The following VCPKMT variants were observed in gnomAD, a reference collection of about 807,000 sequenced individuals.
VCPKMT encodes valosin containing protein lysine methyltransferase.
Under a neutral mutation model 28.6 loss-of-function variants are expected in VCPKMT, and 32 were observed. The ratio of observed to expected loss-of-function variants is 1.12; its 90% CI spans 0.84 to 1.50. VCPKMT has a LOEUF of 1.50. Among genes scored for constraint, VCPKMT ranks in the 40% most tolerant of loss-of-function variants. The pLI is 0.00. For synonymous variants in VCPKMT, 138 were observed against 111.4 expected (o/e 1.24, Z -1.50); for missense variants, 366 against 285.0 (o/e 1.28, Z -2.05).
chr14:50,108,383 C>A (rs933113564), downstream of VCPKMT, among the ~76,000 whole-genome samples: 3 of 152,144 alleles, frequency 2.0e-5, no homozygotes, highest in African/African-American at 7.2e-5. Flanking sequence ...ATCTGTACCT[C>A]ACAAAGCACC....
In VCPKMT at chr14:50,108,963, C is replaced by T; in HGVS notation, c.*736G>A. 1 of 985,408 alleles carries T rather than the reference C, an allele frequency of 1.0e-6. No homozygotes were observed. Among genetic ancestry groups the T allele is most frequent in the South Asian group, 4.7e-5 (1 of 21,290 alleles). The allele number at this position is 985,408 out of a possible 1,614,324, so 61.0% of individuals were successfully genotyped here. On this transcript the variant is annotated 3_prime_UTR_variant, in exon 6 of 6. Coordinates refer to ENST00000395860, the MANE Select transcript of VCPKMT (RefSeq NM_024558.3). ...GCCACGTAAGTGCATAAGCCTGAAA[C>T]TGGTCTTTCTATTCTCACTCCATGC...
downstream of VCPKMT, among the ~76,000 whole-genome samples, chr14:50,107,891 T>C (rs947732569): frequency 6.6e-6 from 1 of 151,816 alleles, no homozygotes; most frequent in Admixed American, 6.6e-5. Context: ...CCACAGATAG[T>C]GTGTGTTAAA....
downstream of VCPKMT, among the ~76,000 whole-genome samples, chr14:50,107,279 T>C (rs12888692): frequency 0.3 from 45,736 of 151,962 alleles, 7,879 homozygotes; most frequent in Middle Eastern, 0.4. Flanking sequence ...CTGACTTCAG[T>C]TTTGGCCTTA....
chr14:50,114,841 C>A (rs958170749), intron 3 of VCPKMT, among the ~76,000 whole-genome samples: 4 of 152,128 alleles, frequency 2.6e-5, no homozygotes, highest in Non-Finnish European at 5.9e-5. Flanking sequence ...CAGAGCAAGA[C>A]CCCTATCTTA....
At position 50,115,726 on chromosome 14, in the gene VCPKMT, A is replaced by G. The variant is rs770346492; in HGVS notation, c.450+113T>C. On this transcript the variant is annotated intron_variant, in intron 3 of 5. Coordinates refer to ENST00000395860, the MANE Select transcript of VCPKMT (RefSeq NM_024558.3). ...TTATCTTCTCTTTACTGCATCAACT[A>G]TAAGGCAAATCCCGGATTCAAAGAT... is the stretch of plus-strand genomic sequence containing the variant. 7.8e-4 allele frequency: 991 copies of G among 1,272,552 alleles called. 5 individuals are homozygous for G. Among genetic ancestry groups the G allele is most frequent in the South Asian group, 1.6e-3 (115 of 70,514 alleles). The allele number at this position is 1,272,552 out of a possible 1,614,324, so 78.8% of individuals were successfully genotyped here. A position where few individuals can be genotyped will look rare whatever the true frequency, so the allele number is the denominator to read the frequency against.
intron 5 of VCPKMT, chr14:50,111,654 G>A (rs1293881092): frequency 2.4e-5 from 23 of 975,344 alleles, no homozygotes; most frequent in Non-Finnish European, 2.7e-5. Context: ...GAGGTGGGCA[G>A]GTCACTGGAG....
chr14:50,103,688 CTTT>C (rs921134279), downstream of VCPKMT, among the ~76,000 whole-genome samples: 14 of 152,040 alleles, frequency 9.2e-5, no homozygotes, highest in African/African-American at 2.7e-4. Context: ...CCCGTATCTT[CTTT>C]ATTTTTCTAA....
rs751909276 is a variant in VCPKMT at position 50,114,393 on chromosome 14, T to C, written c.462A>G (p.Pro154=). Residue 154 remains proline (P), a synonymous_variant, in exon 4 of 6, where the codon CCA becomes CCG. Transcript: ENST00000395860. ...DCIYYEESLE[P]LLKTLKDISG... Reference sequence around the variant, plus strand: ...TGATATCTTTTAGAGTTTTCAGCAATGGCTCCAAAGACTATTTAAAAAAGA... The same window carrying C: ...TGATATCTTTTAGAGTTTTCAGCAACGGCTCCAAAGACTATTTAAAAAAGA... The C allele has an allele frequency of 1.3e-6, 2 of 1,552,754 alleles. No homozygotes were observed. The highest frequency in any genetic ancestry group is 1.3e-5 in the South Asian group (1 of 78,988).
In VCPKMT at chr14:50,112,646, A is replaced by G. The variant is rs942060466; in HGVS notation, c.644T>C (p.Ile215Thr). ...KHDEEYRSED[I>T]HIIYIRKKKS... Reference sequence around the variant, plus strand: ...TTTCTTTCTGATGTATATAATATGAATATCTTCACTTCGATACTCTTCATC... The same window carrying G: ...TTTCTTTCTGATGTATATAATATGAGTATCTTCACTTCGATACTCTTCATC... The change falls in exon 5 of 6, where the codon ATT becomes ACT. Residue 215 changes from isoleucine (I) to threonine (T), a missense_variant. Physicochemically the swap from Ile to Thr is moderately conservative, Grantham distance 89 (BLOSUM62 -1). Coordinates refer to ENST00000395860, the MANE Select transcript of VCPKMT (RefSeq NM_024558.3). 10 of 1,567,802 alleles carry G rather than the reference A, an allele frequency of 6.4e-6. No homozygotes were observed. Among genetic ancestry groups the G allele is most frequent in the African/African-American group, 2.7e-5 (2 of 73,950 alleles).
At chr14:50,113,855 GC>G (rs1378653181) in intron 4 of VCPKMT, among the ~76,000 whole-genome samples, 1 of 143,784 alleles carries the variant, frequency 7.0e-6, no homozygotes, top group Admixed American at 7.1e-5. Context: ...GGTTGAGGAT[GC>G]AGTGAGCCCT....
intron 4 of VCPKMT, among the ~76,000 whole-genome samples, chr14:50,113,087 G>C (rs923812887): frequency 3.9e-5 from 6 of 152,136 alleles, no homozygotes; most frequent in African/African-American, 9.7e-5. Flanking sequence ...CGCCTGGTCA[G>C]TGGTTACCTT....
rs756649042 is a variant in VCPKMT, at chr14:50,116,263, TCCCG to T, written c.266+20_266+23del. 3 of 1,528,136 alleles carry T rather than the reference TCCCG, an allele frequency of 2.0e-6. No homozygotes were observed. Among genetic ancestry groups the T allele is most frequent in the South Asian group, 2.3e-5 (2 of 88,610 alleles). The allele number at this position is 1,528,136 out of a possible 1,614,324, so 94.7% of individuals were successfully genotyped here. A position where few individuals can be genotyped will look rare whatever the true frequency, so the allele number is the denominator to read the frequency against. ...TCCCCAGCAAGAAGGCGCCCCCACATCCCGCCCGCCCGCCAGCTCTTACCCGAGG... is the reference window on the plus strand; with the variant it reads ...TCCCCAGCAAGAAGGCGCCCCCACATCCCGCCCGCCAGCTCTTACCCGAGG... On this transcript the variant is annotated intron_variant, in intron 1 of 5. Coordinates refer to ENST00000395860, the MANE Select transcript of VCPKMT (RefSeq NM_024558.3).
chr14:50,111,272 G>A, intron 5 of VCPKMT: 1 of 984,676 alleles, frequency 1.0e-6, no homozygotes, highest in Non-Finnish European at 1.2e-6. Context: ...AACAGCTTCA[G>A]TTAACACTAG....
downstream of VCPKMT, chr14:50,108,623 TCA>T (rs1208943420): frequency 5.1e-6 from 5 of 985,866 alleles, no homozygotes; most frequent in South Asian, 9.4e-5. Context: ...TTTCTGAAAT[TCA>T]CAGTCACAAG....
chr14:50,112,698 AGT>A lies in VCPKMT; in HGVS notation c.590_591del (p.Asp197ValfsTer2), dbSNP rs1205151464. 1 of 1,572,470 alleles carries A rather than the reference AGT, an allele frequency of 6.4e-7. No homozygotes were observed. The highest frequency in any genetic ancestry group is 1.4e-5 in the African/African-American group (1 of 74,046). On this transcript the variant is annotated frameshift_variant, in exon 5 of 6. Transcript: ENST00000395860. LOFTEE classifies it high-confidence loss of function. ...KYFELLQLDF[D>X]FEKIPLEKHD... Reference sequence around the variant, plus strand: ...TGTTTTTCCAAAGGAATTTTTTCAAAGTCAAAATCTAGCTGAAGGAGCTATAA... The same window carrying A: ...TGTTTTTCCAAAGGAATTTTTTCAAACAAAATCTAGCTGAAGGAGCTATAA...
rs201386567 is a variant in VCPKMT, at chr14:50,111,164, A to T, written c.675+1451T>A. 5 of 950,570 alleles carry T rather than the reference A, an allele frequency of 5.3e-6. No individual in the cohort carries two copies. The African/African-American group carries it at 8.9e-5, about 17-fold the overall frequency. The allele number at this position is 950,570 out of a possible 1,614,324, so 58.9% of individuals were successfully genotyped here. On this transcript the variant is annotated intron_variant, in intron 5 of 5. Transcript: ENST00000395860. ...TGTGAGTTACATCAACTAAAAAATAAGAGTTTTTTTTTTTGGCCGAAAAAA... is the reference window on the plus strand; with the variant it reads ...TGTGAGTTACATCAACTAAAAAATATGAGTTTTTTTTTTTGGCCGAAAAAA...
At position 50,111,183 on chromosome 14, in the gene VCPKMT, G is replaced by GA. The variant is rs57256362; in HGVS notation, c.675+1431dup. The GA allele has an allele frequency of 3.9e-3, 3,760 of 968,876 alleles. 65 individuals carry two copies. In the African/African-American group the frequency reaches 0.05, roughly 13 times the overall value. 60.0% of individuals were successfully genotyped at this position (968,876 alleles called of 1,614,324 possible). ...AAAATAAGAGTTTTTTTTTTTGGCC[G>GA]AAAAAAAAAAAAAAGCCTCTATATT... On this transcript the variant is annotated intron_variant, in intron 5 of 5. Coordinates refer to ENST00000395860, the MANE Select transcript of VCPKMT (RefSeq NM_024558.3).
rs1882457757 is a variant in VCPKMT, at chr14:50,108,994, T to C, written c.*705A>G. The C allele has an allele frequency of 2.0e-6, 2 of 985,316 alleles. No homozygotes were observed. The highest frequency in any genetic ancestry group is 3.5e-5 in the African/African-American group (2 of 57,236). The allele number at this position is 985,316 out of a possible 1,614,324, so 61.0% of individuals were successfully genotyped here. On this transcript the variant is annotated 3_prime_UTR_variant, in exon 6 of 6. Coordinates refer to ENST00000395860, the MANE Select transcript of VCPKMT (RefSeq NM_024558.3). ...TTTCTATTCTCACTCCATGCTCAAA[T>C]GAAAAATCTGTAAAGATATCTTTTG... is the stretch of plus-strand genomic sequence containing the variant.
rs199901722 is a variant in VCPKMT, at chr14:50,109,675, C to T, written c.*24G>A. 18 of 1,597,460 alleles carry T rather than the reference C, an allele frequency of 1.1e-5. No individual in the cohort carries two copies. Among genetic ancestry groups the T allele is most frequent in the Non-Finnish European group, 1.5e-5 (18 of 1,172,848 alleles). ...CTTTAGTTTACCCAGGTTGTTAGAG[C>T]CTTGGGTAAGATGATTAAAGGCTTC... On this transcript the variant is annotated 3_prime_UTR_variant, in exon 6 of 6. Coordinates refer to ENST00000395860, the MANE Select transcript of VCPKMT (RefSeq NM_024558.3).
Sources: allele counts gnomAD v4.1 joint callset (sites outside exome capture counted in the v4.1 genomes callset), GRCh38; gene constraint gnomAD v4.1.1; transcripts MANE v1.5; gene names NCBI Gene and HGNC (gene_info 2026-07-23, HGNC 2026-07-21).